STARD13: variants seen among roughly 807,000 people sequenced by gnomAD.
The protein encoded by STARD13 is stAR-related lipid transfer protein 13.
STARD13 carries 62 observed loss-of-function variants against 106.4 expected under a neutral mutation model. The observed-to-expected ratio is 0.58, with a 90% CI of 0.48 to 0.72. STARD13 has a LOEUF of 0.72. STARD13 is among the 30% of genes least tolerant of loss of function. The pLI, the probability that STARD13 is intolerant of heterozygous loss-of-function variation, is 0.00. For missense variants in STARD13, 1,387 were observed against 1,424.0 expected, an observed-to-expected ratio of 0.97 and a Z score of 0.42; for synonymous variants, 565 against 553.0, an observed-to-expected ratio of 1.02 and a Z score of -0.31.
the STARD13 span, among the ~76,000 whole-genome samples, chr13:33,638,595 A>G: frequency 1.3e-5 from 2 of 152,240 alleles, no homozygotes; most frequent in Non-Finnish European, 2.9e-5. Flanking sequence ...AGCAGGCTTC[A>G]GAGAGAATAG....
intron 1 of STARD13, among the ~76,000 whole-genome samples, chr13:33,259,754 A>G (rs780795786): frequency 1.1e-4 from 17 of 152,318 alleles, no homozygotes; most frequent in Non-Finnish European, 1.6e-4. Context: ...AGCTCAACTT[A>G]TATCTATTTA....
At chr13:33,436,052 C>G in the STARD13 span, among the ~76,000 whole-genome samples, 1 of 152,258 alleles carries the variant, frequency 6.6e-6, no homozygotes, top group African/African-American at 2.4e-5. Flanking sequence ...ATGTGCCTAA[C>G]AAAACGCCAT....
At chr13:33,133,659 A>T (rs1194719589) in intron 4 of STARD13, among the ~76,000 whole-genome samples, 9 of 152,002 alleles carry the variant, frequency 5.9e-5, no homozygotes, top group Admixed American at 5.9e-4. Flanking sequence ...AAAGCAAAAA[A>T]AAAAAAAATT....
chr13:33,588,554 C>T, the STARD13 span, among the ~76,000 whole-genome samples: 54 of 152,274 alleles, frequency 3.5e-4, no homozygotes, highest in African/African-American at 1.3e-3. Flanking sequence ...TTTTCTCCTT[C>T]AGGATAATTA....
the STARD13 span, among the ~76,000 whole-genome samples, chr13:33,628,993 G>A: frequency 6.6e-6 from 1 of 152,190 alleles, no homozygotes; most frequent in African/African-American, 2.4e-5. Flanking sequence ...ATTACTGTGG[G>A]ATCTTTTCAA....
chr13:33,429,928 G>C, the STARD13 span, among the ~76,000 whole-genome samples: 2 of 116,038 alleles, frequency 1.7e-5, no homozygotes, highest in African/African-American at 3.7e-5. Context: ...CTTTTTTTTT[G>C]GGGGGGGGGG....
Position 33,127,492 on chromosome 13 carries a change from T to C in STARD13, c.1803A>G (p.Ala601=). ...CCGTCTGGCTGCTGATGTGGGGCGA[T>C]GCTGGGGCCGGCCGGGGCTGGTGCG... is the stretch of plus-strand genomic sequence containing the variant. ...QLSHQPRPAP[A]SPHISSQTAS... The change falls in exon 6 of 14, where the codon GCA becomes GCG. Residue 601 remains alanine (A), a synonymous_variant. Transcript: ENST00000336934. The C allele has an allele frequency of 6.3e-7, 1 of 1,590,908 alleles. No individual in the cohort carries two copies. The highest frequency in any genetic ancestry group is 8.5e-7 in the Non-Finnish European group (1 of 1,174,290).
chr13:33,558,821 T>C, the STARD13 span, among the ~76,000 whole-genome samples: 1 of 151,664 alleles, frequency 6.6e-6, no homozygotes, highest in Non-Finnish European at 1.5e-5. Flanking sequence ...TGTCTGCTAA[T>C]ATAAGGCTAC....
chr13:33,569,282 T>G, the STARD13 span, among the ~76,000 whole-genome samples: 1 of 147,904 alleles, frequency 6.8e-6, no homozygotes, highest in Non-Finnish European at 1.5e-5. Context: ...AAATGTAGAT[T>G]GGTTGAATAC....
chr13:33,564,236 C>A, the STARD13 span, among the ~76,000 whole-genome samples: 157 of 139,892 alleles, frequency 1.1e-3, 16 homozygotes, highest in African/African-American at 4.1e-3. Context: ...AAGAAAAGAT[C>A]TGAACAGACA....
At chr13:33,622,928 A>AAG in the STARD13 span, among the ~76,000 whole-genome samples, 1 of 143,048 alleles carries the variant, frequency 7.0e-6, no homozygotes, top group African/African-American at 3.0e-5. Context: ...AAAAAAAAAA[A>AAG]AAAAGAAAGA....
the STARD13 span, among the ~76,000 whole-genome samples, chr13:33,632,179 C>T: frequency 5.9e-5 from 9 of 152,166 alleles, no homozygotes; most frequent in African/African-American, 2.2e-4. Context: ...CCAAAGAACA[C>T]ATATGAGTAA....
intron 5 of STARD13, 38 bp downstream of exon 5, chr13:33,128,891 A>C (rs749593241): frequency 6.4e-7 from 1 of 1,556,308 alleles, no homozygotes; most frequent in Non-Finnish European, 8.7e-7. Flanking sequence ...TTACTATGAA[A>C]TGGATGAAAA....
chr13:33,448,751 G>A, the STARD13 span, among the ~76,000 whole-genome samples: 4 of 152,044 alleles, frequency 2.6e-5, no homozygotes, highest in East Asian at 3.9e-4. Flanking sequence ...TTTTCTCCGC[G>A]TCTTCACCAA....
rs950405002 is a variant in STARD13, at chr13:33,249,111, T to G, written c.169+36359A>C. Reference sequence around the variant, plus strand: ...ACATGCTACATGACATTGAAATGACTGCTAGCTTTATACATTAAAATGAGG... The same window carrying G: ...ACATGCTACATGACATTGAAATGACGGCTAGCTTTATACATTAAAATGAGG... On this transcript the variant is annotated intron_variant, in intron 1 of 13. Transcript: ENST00000336934. Among the ~76,000 whole-genome samples the G allele has an allele frequency of 2.0e-5, 3 of 152,184 alleles. No homozygotes were observed. The East Asian group carries it at 5.8e-4, about 29-fold the overall frequency.
the STARD13 span, among the ~76,000 whole-genome samples, chr13:33,559,916 A>G: frequency 6.6e-6 from 1 of 151,606 alleles, no homozygotes; most frequent in East Asian, 1.9e-4. Context: ...AGCAAGAAGT[A>G]GTCAGCAAGG....
the STARD13 span, among the ~76,000 whole-genome samples, chr13:33,487,924 C>T: frequency 6.6e-6 from 1 of 152,144 alleles, no homozygotes; most frequent in African/African-American, 2.4e-5. Flanking sequence ...CAGCTATGTC[C>T]TTGTATTTGT....
intron 7 of STARD13, among the ~76,000 whole-genome samples, chr13:33,120,901 A>T (rs1876184602): frequency 6.6e-6 from 1 of 151,866 alleles, no homozygotes; most frequent in Non-Finnish European, 1.5e-5. Flanking sequence ...CACCACTTCC[A>T]GCTACTTTTT....
intron 3 of STARD13, among the ~76,000 whole-genome samples, chr13:33,154,922 T>C (rs1373028949): frequency 1.3e-5 from 2 of 152,040 alleles, no homozygotes; most frequent in Non-Finnish European, 2.9e-5. Context: ...GAGGCTTCTT[T>C]CCTTCCCCTT....
Sources: gnomAD v4.1 joint callset for allele counts (sites outside exome capture counted in the v4.1 genomes callset) on GRCh38, gnomAD v4.1.1 for gene constraint, MANE v1.5 for transcripts, NCBI Gene and HGNC (gene_info 2026-07-23, HGNC 2026-07-21) for gene names.